The following RBMS1 variants were observed in gnomAD, a reference collection of about 807,000 sequenced individuals.
The protein encoded by RBMS1 is RNA binding motif single stranded interacting protein 1.
RBMS1 carries 17 observed loss-of-function variants against 62.3 expected under a neutral mutation model. The ratio of observed to expected loss-of-function variants is 0.27; its 90% CI spans 0.19 to 0.41. The LOEUF is 0.41. Ranked by LOEUF, RBMS1 falls within the 10% of genes least tolerant of loss-of-function variation. The pLI, the probability that RBMS1 is intolerant of heterozygous loss-of-function variation, is 1.00. For synonymous variants in RBMS1, 172 were observed against 170.0 expected (o/e 1.01, Z -0.09); for missense variants, 334 against 504.5 (o/e 0.66, Z 3.24).
At chr2:160,357,105 C>T (rs1414333894) in intron 2 of RBMS1, among the ~76,000 whole-genome samples, 1 of 151,992 alleles carries the variant, frequency 6.6e-6, no homozygotes, top group African/African-American at 2.4e-5. Context: ...CTTTCACCTT[C>T]GTATAATGGT....
At chr2:160,373,120 G>C (rs1348338314) in intron 1 of RBMS1, among the ~76,000 whole-genome samples, 1 of 152,102 alleles carries the variant, frequency 6.6e-6, no homozygotes, top group African/African-American at 2.4e-5. Flanking sequence ...GACCAATAGA[G>C]TATTAAATTT....
intron 3 of RBMS1, among the ~76,000 whole-genome samples, chr2:160,317,050 A>G (rs1690265717): frequency 6.6e-6 from 1 of 152,160 alleles, no homozygotes. Context: ...ACCACTCTAC[A>G]TAAAGCACGC....
In RBMS1 at chr2:160,320,537, G is replaced by A. The variant is rs1690498329; in HGVS notation, c.252-2310C>T. On this transcript the variant is annotated intron_variant, in intron 2 of 13. Transcript: ENST00000348849. ...AATGAGAGGTGTCTGGGTTGTGGGGGTGGATCCCTCATGAATAGCTTGGTG... is the reference window on the plus strand; with the variant it reads ...AATGAGAGGTGTCTGGGTTGTGGGGATGGATCCCTCATGAATAGCTTGGTG... Among the ~76,000 whole-genome samples the A allele has an allele frequency of 2.0e-5, 3 of 152,180 alleles. No individual in the cohort carries two copies. The South Asian group carries it at 6.2e-4, about 31-fold the overall frequency.
rs1474727260 is a variant in RBMS1 at position 160,273,899 on chromosome 2, T to A, written c.*873A>T. On this transcript the variant is annotated 3_prime_UTR_variant, in exon 14 of 14. Coordinates refer to ENST00000348849, the MANE Select transcript of RBMS1 (RefSeq NM_016836.4). ...TACAAACAATTTACCCTAATAAAAG[T>A]TCCCCAGTCAGAAAATGTGTTTCAC... 1.3e-5 allele frequency: 2 copies of A among 152,568 alleles called. No homozygotes were observed. Among genetic ancestry groups the A allele is most frequent in the African/African-American group, 4.8e-5 (2 of 41,454 alleles). 9.5% of individuals were successfully genotyped at this position (152,568 alleles called of 1,614,324 possible).
chr2:160,359,144 A>G lies in RBMS1; in HGVS notation c.251+8072T>C, dbSNP rs553724842. On this transcript the variant is annotated intron_variant, in intron 2 of 13. Coordinates refer to ENST00000348849, the MANE Select transcript of RBMS1 (RefSeq NM_016836.4). ...AAGACAGTTCTTCAATTTGCTTGGAAGATAACACATAAAGGGTAAATTATA... is the reference window on the plus strand; with the variant it reads ...AAGACAGTTCTTCAATTTGCTTGGAGGATAACACATAAAGGGTAAATTATA... 2.0e-4 allele frequency among the ~76,000 whole-genome samples: 31 copies of G among 152,272 alleles called. No individual in the cohort carries two copies. In the South Asian group the frequency reaches 5.2e-3, roughly 25 times the overall value.
At chr2:160,410,502 T>TA (rs1695983188) in intron 1 of RBMS1, among the ~76,000 whole-genome samples, 1 of 151,582 alleles carries the variant, frequency 6.6e-6, no homozygotes, top group Non-Finnish European at 1.5e-5. Flanking sequence ...GAATGCAACG[T>TA]AAGAAAAAAA....
intron 2 of RBMS1, among the ~76,000 whole-genome samples, chr2:160,324,391 G>C (rs1228006078): frequency 6.6e-6 from 1 of 152,148 alleles, no homozygotes; most frequent in Non-Finnish European, 1.5e-5. Context: ...GACAATGGTT[G>C]TTAAGTTATT....
intron 4 of RBMS1, among the ~76,000 whole-genome samples, chr2:160,310,706 T>C (rs889922441): frequency 4.6e-5 from 6 of 131,298 alleles, no homozygotes; most frequent in Non-Finnish European, 6.7e-5. Context: ...GTTTTCCGAG[T>C]GTGCCCTAAA....
At position 160,386,365 on chromosome 2, in the gene RBMS1, G is replaced by A. The variant is rs549189023; in HGVS notation, c.76-18974C>T. 2.7e-3 allele frequency among the ~76,000 whole-genome samples: 408 copies of A among 152,222 alleles called. 3 individuals carry two copies. Among genetic ancestry groups the A allele is most frequent in the African/African-American group, 9.1e-3 (380 of 41,536 alleles). ...AGCCTGACCAACACAGTGAAACACC[G>A]TCTTTACTAAAAATACAAAACTTAG... is the stretch of plus-strand genomic sequence containing the variant. On this transcript the variant is annotated intron_variant, in intron 1 of 13. Transcript: ENST00000348849.
intron 1 of RBMS1, among the ~76,000 whole-genome samples, chr2:160,430,729 T>G (rs529839324): frequency 2.2e-4 from 33 of 152,296 alleles, no homozygotes; most frequent in African/African-American, 7.7e-4. Flanking sequence ...TAGCTGTGTT[T>G]TGATGTTTGA....
chr2:160,285,737 T>C (rs1372938346), intron 7 of RBMS1, among the ~76,000 whole-genome samples: 6 of 151,838 alleles, frequency 4.0e-5, no homozygotes, highest in African/African-American at 1.5e-4. Flanking sequence ...TTAGGATAAC[T>C]TCTAAATATT....
intron 1 of RBMS1, among the ~76,000 whole-genome samples, chr2:160,414,523 G>A (rs1443764218): frequency 1.3e-5 from 2 of 151,970 alleles, no homozygotes; most frequent in Non-Finnish European, 2.9e-5. Context: ...CTTATTTTAG[G>A]TCAACTAAAA....
At chr2:160,353,025 T>G (rs1249048396) in intron 2 of RBMS1, among the ~76,000 whole-genome samples, 1 of 152,100 alleles carries the variant, frequency 6.6e-6, no homozygotes, top group Non-Finnish European at 1.5e-5. Context: ...ATTAAAACCT[T>G]TTGCAGCTGC....
chr2:160,303,517 T>C, intron 4 of RBMS1, 30 bp from the exon 5 acceptor site: 1 of 1,573,924 alleles, frequency 6.4e-7, no homozygotes, highest in Non-Finnish European at 8.6e-7. Context: ...TGTCCATTAA[T>C]TTCCAACAGA....
chr2:160,351,068 T>A (rs752981825), intron 2 of RBMS1, among the ~76,000 whole-genome samples: 3 of 150,844 alleles, frequency 2.0e-5, no homozygotes, highest in Non-Finnish European at 4.4e-5. Context: ...CAGCAAACTA[T>A]CTCAAGGACA....
chr2:160,393,549 C>A (rs376417255), intron 1 of RBMS1, among the ~76,000 whole-genome samples: 2 of 152,002 alleles, frequency 1.3e-5, no homozygotes, highest in East Asian at 1.9e-4. Flanking sequence ...GAGGCCGAGG[C>A]GGGCAGAGCA....
intron 5 of RBMS1, among the ~76,000 whole-genome samples, chr2:160,301,023 G>A (rs941836472): frequency 2.6e-5 from 4 of 152,110 alleles, no homozygotes; most frequent in Non-Finnish European, 5.9e-5. Flanking sequence ...TTGTAAAATT[G>A]AAAAATCAAT....
intron 1 of RBMS1, among the ~76,000 whole-genome samples, chr2:160,447,568 A>G (rs1238831938): frequency 6.6e-6 from 1 of 152,244 alleles, no homozygotes; most frequent in Non-Finnish European, 1.5e-5. Context: ...GAAATTCTGC[A>G]TATTTACTTG....
At chr2:160,375,173 A>G (rs970212268) in intron 1 of RBMS1, among the ~76,000 whole-genome samples, 12 of 152,228 alleles carry the variant, frequency 7.9e-5, no homozygotes, top group Non-Finnish European at 1.2e-4. Flanking sequence ...GAGCCCAGTC[A>G]GGACCTTTAG....
Sources: allele counts gnomAD v4.1 joint callset (sites outside exome capture counted in the v4.1 genomes callset), GRCh38; gene constraint gnomAD v4.1.1; transcripts MANE v1.5; gene names NCBI Gene and HGNC (gene_info 2026-07-23, HGNC 2026-07-21).